Variants in FYTTD1 observed in about 807,000 individuals in gnomAD.
FYTTD1 encodes the protein UAP56-interacting factor.
A neutral mutation model predicts 40.9 loss-of-function variants in FYTTD1; 22 were observed. The ratio of observed to expected loss-of-function variants is 0.54; its 90% CI spans 0.38 to 0.77. FYTTD1 has a LOEUF of 0.77. Ranked by LOEUF, FYTTD1 falls within the 30% of genes least tolerant of loss-of-function variation. FYTTD1 has a pLI of 0.00. For missense variants in FYTTD1, 351 were observed against 392.2 expected (o/e 0.90, Z 0.89); for synonymous variants, 140 against 137.9 (o/e 1.01, Z -0.10).
rs1442376114 is a variant in FYTTD1 at position 197,783,046 on chromosome 3, T to A, written c.*1137T>A. Reference sequence around the variant, plus strand: ...ACCTTGTTGTTTACCTTTCACTGATTTCTTATATGGTATAAATTAAAGTTC... The same window carrying A: ...ACCTTGTTGTTTACCTTTCACTGATATCTTATATGGTATAAATTAAAGTTC... On this transcript the variant is annotated 3_prime_UTR_variant, in exon 9 of 9. Transcript: ENST00000241502. 6.6e-6 allele frequency: 1 copy of A among 152,630 alleles called. No individual in the cohort carries two copies. Among genetic ancestry groups the A allele is most frequent in the Non-Finnish European group, 1.5e-5 (1 of 68,048 alleles). 9.5% of individuals were successfully genotyped at this position (152,630 alleles called of 1,614,324 possible).
At chr3:197,771,604 C>T (rs1036133831) in intron 4 of FYTTD1, among the ~76,000 whole-genome samples, 35 of 151,550 alleles carry the variant, frequency 2.3e-4, no homozygotes, top group African/African-American at 7.5e-4. Flanking sequence ...GGTGAAACCC[C>T]GTCTCTACTA....
At chr3:197,766,975 T>C (rs986514413) in intron 2 of FYTTD1, among the ~76,000 whole-genome samples, 5 of 152,138 alleles carry the variant, frequency 3.3e-5, no homozygotes, top group African/African-American at 1.2e-4. Flanking sequence ...TCAGTGGTCA[T>C]CTCTAGGTGG....
At chr3:197,750,145 G>A (rs549481250) in intron 1 of FYTTD1, 71 bp downstream of exon 1, 18 of 1,186,540 alleles carry the variant, frequency 1.5e-5, no homozygotes, top group South Asian at 1.4e-4. Flanking sequence ...CGCGGTTTGT[G>A]GGGGCAGGGG....
At position 197,750,843 on chromosome 3, in the gene FYTTD1, G is replaced by A. The variant is rs532033279; in HGVS notation, c.103+769G>A. On this transcript the variant is annotated intron_variant, in intron 1 of 8. Transcript: ENST00000241502. ...GCCAGGTAAAGCGTGGGGTTCTTGAGCGCATCTGAGAGGGTGGCGTGGTTT... is the reference window on the plus strand; with the variant it reads ...GCCAGGTAAAGCGTGGGGTTCTTGAACGCATCTGAGAGGGTGGCGTGGTTT... 67 of 985,496 alleles carry A rather than the reference G, an allele frequency of 6.8e-5. No individual in the cohort carries two copies. The African/African-American group carries it at 9.4e-4, about 14-fold the overall frequency. 61.0% of individuals were successfully genotyped at this position (985,496 alleles called of 1,614,324 possible).
rs546393099 is a variant in FYTTD1, at chr3:197,775,613, A to G, written c.657-1314A>G. Among the ~76,000 whole-genome samples the G allele has an allele frequency of 3.3e-5, 5 of 152,342 alleles. No homozygotes were observed. The South Asian group carries it at 1.0e-3, about 32-fold the overall frequency. On this transcript the variant is annotated intron_variant, in intron 6 of 8. Transcript: ENST00000241502. ...TCTGCGGTTGCAACTGATTGAATAC[A>G]TGGACGTAGAACCTGTGGATACAGA...
chr3:197,757,383 CTTCCAAA>C (rs1729242593), intron 2 of FYTTD1, among the ~76,000 whole-genome samples: 1 of 152,180 alleles, frequency 6.6e-6, no homozygotes, highest in Non-Finnish European at 1.5e-5. Context: ...GACAAACTAA[CTTCCAAA>C]TTGATTTTTA....
At chr3:197,774,065 G>C in intron 5 of FYTTD1, 84 bp from the exon 6 acceptor site, 1 of 1,138,762 alleles carries the variant, frequency 8.8e-7, no homozygotes, top group South Asian at 1.2e-5. Context: ...GCACCACTGG[G>C]TTAGGAAGTT....
rs138065211 is a variant in FYTTD1, at chr3:197,773,193, A to G, written c.498-210A>G. Among the ~76,000 whole-genome samples, 722 of 152,382 alleles carry G rather than the reference A, an allele frequency of 4.7e-3. 3 individuals carry two copies. Among genetic ancestry groups the G allele is most frequent in the Non-Finnish European group, 6.0e-3 (406 of 68,040 alleles). ...TATTTGGAAGATAAAGTGGTTTGAA[A>G]TTAACACGTGGTTATGTGCTATGCT... On this transcript the variant is annotated intron_variant, in intron 4 of 8. Transcript: ENST00000241502.
chr3:197,781,817 A>T lies in FYTTD1; in HGVS notation c.865A>T (p.Met289Leu). The change falls in exon 9 of 9, where the codon ATG becomes TTG. Residue 289 changes from methionine (M) to leucine (L), a missense_variant. Transcript: ENST00000241502. ...DINSVGKQTG[M>L]TLNERFGILK... ...GTTTTTTTCTTTTCTCTAGACAGGGATGACGTTGAATGAGCGGTTTGGGAT... is the reference window on the plus strand; with the variant it reads ...GTTTTTTTCTTTTCTCTAGACAGGGTTGACGTTGAATGAGCGGTTTGGGAT... 1 of 1,604,896 alleles carries T rather than the reference A, an allele frequency of 6.2e-7. No individual in the cohort carries two copies. Among genetic ancestry groups the T allele is most frequent in the Non-Finnish European group, 8.5e-7 (1 of 1,174,080 alleles).
In FYTTD1 at chr3:197,767,720, C is replaced by T. The variant is rs569863809; in HGVS notation, c.236-719C>T. On this transcript the variant is annotated intron_variant, in intron 2 of 8. Coordinates refer to ENST00000241502, the MANE Select transcript of FYTTD1 (RefSeq NM_032288.7). ...CTTCTTCCCTTGGCCTCCCAAGTGC[C>T]GGGATTACAGGCGTGAGCCACTGTG... 4.0e-5 allele frequency among the ~76,000 whole-genome samples: 6 copies of T among 151,800 alleles called. No homozygotes were observed. In the South Asian group the frequency reaches 6.3e-4, roughly 16 times the overall value.
chr3:197,770,097 C>G, intron 3 of FYTTD1, 35 bp from the exon 4 acceptor site: 1 of 1,273,160 alleles, frequency 7.9e-7, no homozygotes. Context: ...TAGAAAAATG[C>G]AATTTGATTA....
chr3:197,760,605 A>G (rs1338955456), intron 2 of FYTTD1, among the ~76,000 whole-genome samples: 1 of 151,740 alleles, frequency 6.6e-6, no homozygotes, highest in Admixed American at 6.6e-5. Context: ...CTTCTGTGGT[A>G]GAATGTATAG....
intron 4 of FYTTD1, among the ~76,000 whole-genome samples, chr3:197,771,436 T>C (rs1219722613): frequency 6.6e-6 from 1 of 152,130 alleles, no homozygotes; most frequent in East Asian, 1.9e-4. Context: ...AGCAGGCAGA[T>C]CACCTGAGGT....
At chr3:197,751,243 T>A (rs564500267) in intron 1 of FYTTD1, among the ~76,000 whole-genome samples, 2 of 152,328 alleles carry the variant, frequency 1.3e-5, no homozygotes, top group African/African-American at 4.8e-5. Flanking sequence ...TTTCTACGAT[T>A]GCCACAGTCA....
At position 197,781,967 on chromosome 3, in the gene FYTTD1, G is replaced by A. The variant is rs115948973; in HGVS notation, c.*58G>A. On this transcript the variant is annotated 3_prime_UTR_variant, in exon 9 of 9. Coordinates refer to ENST00000241502, the MANE Select transcript of FYTTD1 (RefSeq NM_032288.7). Reference sequence around the variant, plus strand: ...TCTGAGAAGTTGAATTGCTTGAAGAGTTCATCACGGAAATTCAAGAAACTT... The same window carrying A: ...TCTGAGAAGTTGAATTGCTTGAAGAATTCATCACGGAAATTCAAGAAACTT... 2,254 of 966,526 alleles carry A rather than the reference G, an allele frequency of 2.3e-3. 26 individuals carry two copies. The African/African-American group carries it at 0.033, about 14-fold the overall frequency. The allele number at this position is 966,526 out of a possible 1,614,324, so 59.9% of individuals were successfully genotyped here.
At chr3:197,774,124 C>T in intron 5 of FYTTD1, 25 bp from the exon 6 acceptor site, 1 of 1,602,856 alleles carries the variant, frequency 6.2e-7, no homozygotes, top group Non-Finnish European at 8.5e-7. Context: ...TTCTGTGGTA[C>T]CTACTGCTTT....
intron 2 of FYTTD1, among the ~76,000 whole-genome samples, chr3:197,758,092 A>C (rs957703605): frequency 6.6e-6 from 1 of 152,150 alleles, no homozygotes; most frequent in Non-Finnish European, 1.5e-5. Context: ...TAGGAGAGAC[A>C]GGGTTTCTCC....
intron 2 of FYTTD1, among the ~76,000 whole-genome samples, chr3:197,765,490 C>T (rs1729517472): frequency 6.6e-6 from 1 of 152,060 alleles, no homozygotes; most frequent in East Asian, 1.9e-4. Flanking sequence ...ACAGTTTTTC[C>T]CAATATGGTT....
Position 197,778,019 on chromosome 3 carries a change from C to A in FYTTD1, c.732-319C>A, listed in dbSNP as rs531540919. ...GAGCCACAGTGCCTAGCCCTCCAGC[C>A]ATCTTAATGATTGAAATGAAAAGCA... is the stretch of plus-strand genomic sequence containing the variant. On this transcript the variant is annotated intron_variant, in intron 7 of 8. Coordinates refer to ENST00000241502, the MANE Select transcript of FYTTD1 (RefSeq NM_032288.7). Among the ~76,000 whole-genome samples, 4 of 152,260 alleles carry A rather than the reference C, an allele frequency of 2.6e-5. No individual in the cohort carries two copies. In the South Asian group the frequency reaches 8.3e-4, roughly 32 times the overall value.
Sources: allele counts gnomAD v4.1 joint callset (sites outside exome capture counted in the v4.1 genomes callset), GRCh38; gene constraint gnomAD v4.1.1; transcripts MANE v1.5; gene names NCBI Gene and HGNC (gene_info 2026-07-23, HGNC 2026-07-21).